ATRNL1: variants seen among roughly 807,000 people sequenced by gnomAD.
ATRNL1 encodes attractin like 1, also known as attractin-like protein 1.
A neutral mutation model predicts 182.7 loss-of-function variants in ATRNL1; 95 were observed. The observed-to-expected ratio is 0.52, with a 90% CI of 0.44 to 0.62. The LOEUF is 0.62. ATRNL1 is among the 20% of genes least tolerant of loss of function. ATRNL1 has a pLI of 0.00. For missense variants in ATRNL1, 1,471 were observed against 1,679.5 expected, an observed-to-expected ratio of 0.88 and a Z score of 2.17; for synonymous variants, 576 against 568.3, an observed-to-expected ratio of 1.01 and a Z score of -0.19.
At chr10:115,198,686 G>T (rs1193042255) in intron 8 of ATRNL1, among the ~76,000 whole-genome samples, 1 of 152,052 alleles carries the variant, frequency 6.6e-6, no homozygotes, top group African/African-American at 2.4e-5. Flanking sequence ...TTTTATATAT[G>T]ATGTGAAATG....
intron 19 of ATRNL1, among the ~76,000 whole-genome samples, chr10:115,383,400 G>T (rs1306642508): frequency 6.6e-6 from 1 of 151,790 alleles, no homozygotes; most frequent in East Asian, 1.9e-4. Context: ...GGTCTGTATG[G>T]TTTGTGTCTG....
At chr10:115,187,854 TA>T (rs1848009441) in intron 8 of ATRNL1, among the ~76,000 whole-genome samples, 1 of 151,564 alleles carries the variant, frequency 6.6e-6, no homozygotes. Context: ...GTTAATTTTT[TA>T]ATTTTTAGTA....
Position 115,536,365 on chromosome 10 carries a change from T to C in ATRNL1, c.3717-13093T>C, listed in dbSNP as rs543464796. ...TGTTGCCTAGCAGTTTGATCTCAGA[T>C]TGCTGTGCTAGCAATCAGTGAGACT... On this transcript the variant is annotated intron_variant, in intron 25 of 28. Transcript: ENST00000355044. Among the ~76,000 whole-genome samples the C allele has an allele frequency of 1.3e-3, 203 of 152,284 alleles. 1 individual carries two copies. The highest frequency in any genetic ancestry group is 4.7e-3 in the African/African-American group (195 of 41,578).
chr10:115,937,925 G>A (rs1565501732), intron 28 of ATRNL1, among the ~76,000 whole-genome samples: 1 of 152,116 alleles, frequency 6.6e-6, no homozygotes, highest in South Asian at 2.1e-4. Flanking sequence ...TACAGACCTG[G>A]CACCGTTCCC....
intron 26 of ATRNL1, among the ~76,000 whole-genome samples, chr10:115,682,114 C>G (rs1484184732): frequency 6.6e-6 from 1 of 152,116 alleles, no homozygotes. Flanking sequence ...ATTTTCCTTT[C>G]TTGTTCTCTT....
chr10:115,794,437 T>C (rs1949602327), intron 27 of ATRNL1, among the ~76,000 whole-genome samples: 1 of 152,214 alleles, frequency 6.6e-6, no homozygotes, highest in African/African-American at 2.4e-5. Flanking sequence ...TTTTTCCATT[T>C]ACAGCAAAAT....
intron 26 of ATRNL1, among the ~76,000 whole-genome samples, chr10:115,688,919 T>C (rs951204401): frequency 8.5e-5 from 13 of 152,178 alleles, no homozygotes; most frequent in Non-Finnish European, 1.9e-4. Flanking sequence ...TCTAGTAGTT[T>C]TATAGTTTTG....
chr10:115,802,306 G>T (rs1949817194), intron 27 of ATRNL1, among the ~76,000 whole-genome samples: 1 of 152,092 alleles, frequency 6.6e-6, no homozygotes, highest in Admixed American at 6.6e-5. Context: ...TCAAACTTAT[G>T]AAAGTAAACT....
chr10:115,662,655 A>G (rs1213771332), intron 26 of ATRNL1, among the ~76,000 whole-genome samples: 2 of 152,166 alleles, frequency 1.3e-5, no homozygotes, highest in Non-Finnish European at 2.9e-5. Flanking sequence ...ATGAATTTAT[A>G]TGATATCCCT....
intron 20 of ATRNL1, among the ~76,000 whole-genome samples, chr10:115,412,381 C>G (rs1845184484): frequency 6.6e-6 from 1 of 152,158 alleles, no homozygotes; most frequent in African/African-American, 2.4e-5. Context: ...ACAGTGGACC[C>G]TAGGTGCAGC....
intron 18 of ATRNL1, among the ~76,000 whole-genome samples, chr10:115,332,892 T>C (rs944634273): frequency 1.3e-5 from 2 of 152,210 alleles, no homozygotes; most frequent in Non-Finnish European, 2.9e-5. Flanking sequence ...TGTGACTTTG[T>C]GTAGTTGCTT....
chr10:115,131,390 G>C (rs1845229271), intron 5 of ATRNL1, among the ~76,000 whole-genome samples: 1 of 152,064 alleles, frequency 6.6e-6, no homozygotes, highest in Non-Finnish European at 1.5e-5. Context: ...TGATATGTTT[G>C]AAGGAGGCCT....
At chr10:115,740,288 A>G (rs1555067282) in intron 27 of ATRNL1, among the ~76,000 whole-genome samples, 1 of 152,086 alleles carries the variant, frequency 6.6e-6, no homozygotes, top group Non-Finnish European at 1.5e-5. Flanking sequence ...TTATATTCAC[A>G]CTTGATAATT....
chr10:115,457,290 G>T (rs879997201), intron 21 of ATRNL1, among the ~76,000 whole-genome samples: 1 of 151,960 alleles, frequency 6.6e-6, no homozygotes, highest in Non-Finnish European at 1.5e-5. Context: ...TTGCTAATTG[G>T]TCCATAGGTG....
At chr10:115,812,939 T>C (rs1273670523) in intron 27 of ATRNL1, among the ~76,000 whole-genome samples, 1 of 134,942 alleles carries the variant, frequency 7.4e-6, no homozygotes, top group Admixed American at 7.1e-5. Flanking sequence ...TTAATATCAA[T>C]ATTAATTATT....
chr10:115,150,217 G>A (rs1846160158), intron 5 of ATRNL1, among the ~76,000 whole-genome samples: 1 of 151,258 alleles, frequency 6.6e-6, no homozygotes, highest in Non-Finnish European at 1.5e-5. Flanking sequence ...TGATTTTGTT[G>A]ATTTGGGTTT....
intron 10 of ATRNL1, among the ~76,000 whole-genome samples, chr10:115,248,686 G>GT (rs1381770044): frequency 2.6e-5 from 4 of 151,370 alleles, no homozygotes; most frequent in Non-Finnish European, 4.4e-5. Context: ...GTATGAATGA[G>GT]TTTTTTTTTA....
chr10:115,633,672 G>A (rs1257621163), intron 26 of ATRNL1, among the ~76,000 whole-genome samples: 2 of 152,118 alleles, frequency 1.3e-5, no homozygotes, highest in African/African-American at 4.8e-5. Flanking sequence ...AAACCATCCT[G>A]TTTGGATATG....
chr10:115,835,602 C>T lies in ATRNL1; in HGVS notation c.3904-12275C>T, dbSNP rs569218216. Among the ~76,000 whole-genome samples the T allele has an allele frequency of 1.4e-4, 21 of 152,258 alleles. No individual in the cohort carries two copies. The South Asian group carries it at 4.4e-3, about 32-fold the overall frequency. On this transcript the variant is annotated intron_variant, in intron 27 of 28. Coordinates refer to ENST00000355044, the MANE Select transcript of ATRNL1 (RefSeq NM_207303.4). ...TAAATGCCCAATAACCTTATCTATA[C>T]CACAACATATAAAATTGGGCCTTGG...
Sources: gnomAD v4.1 joint callset for allele counts (sites outside exome capture counted in the v4.1 genomes callset) on GRCh38, gnomAD v4.1.1 for gene constraint, MANE v1.5 for transcripts, NCBI Gene and HGNC (gene_info 2026-07-23, HGNC 2026-07-21) for gene names.